The following SEMA4D variants were observed in gnomAD, a reference collection of about 807,000 sequenced individuals.
The protein encoded by SEMA4D is semaphorin-4D.
SEMA4D carries 22 observed loss-of-function variants against 74.8 expected under a neutral mutation model. That is an observed-to-expected ratio of 0.29 (90% confidence interval 0.21 to 0.42). The LOEUF is 0.42. Ranked by LOEUF, SEMA4D falls within the 10% of genes least tolerant of loss-of-function variation. The pLI, the probability that SEMA4D is intolerant of heterozygous loss-of-function variation, is 1.00. For synonymous variants in SEMA4D, 445 were observed against 463.7 expected (o/e 0.96, Z 0.52); for missense variants, 937 against 1,118.4 (o/e 0.84, Z 2.31).
intron 2 of SEMA4D, among the ~76,000 whole-genome samples, chr9:89,434,276 C>T (rs934978331): frequency 6.6e-6 from 1 of 152,148 alleles, no homozygotes; most frequent in Non-Finnish European, 1.5e-5. Context: ...GGAGGGGTCT[C>T]GGTCTAGGAG....
chr9:89,440,803 A>G (rs922570130), intron 2 of SEMA4D, among the ~76,000 whole-genome samples: 47 of 152,196 alleles, frequency 3.1e-4, no homozygotes, highest in African/African-American at 1.1e-3. Context: ...CGTGTGTGTG[A>G]TGACACACTG....
At chr9:89,366,168 C>T (rs1318608930) in intron 16 of SEMA4D, among the ~76,000 whole-genome samples, 3 of 152,178 alleles carry the variant, frequency 2.0e-5, no homozygotes, top group Admixed American at 2.0e-4. Context: ...ATAAGTGAAA[C>T]AATATCTAGG....
intron 2 of SEMA4D, among the ~76,000 whole-genome samples, chr9:89,425,682 G>C (rs1437675032): frequency 1.3e-5 from 2 of 152,218 alleles, no homozygotes; most frequent in Non-Finnish European, 2.9e-5. Flanking sequence ...CCCACTGGCT[G>C]TACATCCACC....
exon 18 of SEMA4D, chr9:89,363,439 C>T (rs1200340116): frequency 6.2e-7 from 1 of 1,613,470 alleles, no homozygotes; most frequent in Non-Finnish European, 8.5e-7. Flanking sequence ...CCCACGCCTT[C>T]CTCCAGCTCT....
intron 2 of SEMA4D, among the ~76,000 whole-genome samples, chr9:89,437,032 G>A (rs1850587511): frequency 1.3e-5 from 2 of 152,242 alleles, no homozygotes; most frequent in African/African-American, 2.4e-5. Flanking sequence ...TCAGTCAAGA[G>A]GTAGCAATGA....
intron 2 of SEMA4D, among the ~76,000 whole-genome samples, chr9:89,433,247 T>C (rs1282052450): frequency 6.6e-6 from 1 of 151,988 alleles, no homozygotes; most frequent in Non-Finnish European, 1.5e-5. Context: ...CTGCCACGAG[T>C]CCCCCATGAG....
At chr9:89,471,235 T>C (rs928659603) in intron 1 of SEMA4D, among the ~76,000 whole-genome samples, 3 of 152,048 alleles carry the variant, frequency 2.0e-5, no homozygotes, top group Admixed American at 6.5e-5. Flanking sequence ...ATTTAATGGG[T>C]ACAGAGTTTC....
chr9:89,405,599 T>A lies in SEMA4D; in HGVS notation c.-143A>T, dbSNP rs528656052. ...TGGAGCTCGTGAACAGCGCGGTCCC[T>A]GAGAATCCACATTTCCCAGTTCTCC... On this transcript the variant is annotated 5_prime_UTR_variant, in exon 3 of 16. Transcript: ENST00000422704. The A allele has an allele frequency of 3.3e-5, 48 of 1,445,878 alleles. No individual in the cohort carries two copies. The African/African-American group carries it at 6.5e-4, about 20-fold the overall frequency. 89.6% of individuals were successfully genotyped at this position (1,445,878 alleles called of 1,614,324 possible).
chr9:89,494,066 T>A (rs1825823072), intron 1 of SEMA4D, among the ~76,000 whole-genome samples: 1 of 152,214 alleles, frequency 6.6e-6, no homozygotes, highest in African/African-American at 2.4e-5. Context: ...AACTATTGAT[T>A]CATTGATTGC....
intron 4 of SEMA4D, among the ~76,000 whole-genome samples, chr9:89,400,609 G>A (rs1206249620): frequency 6.6e-6 from 1 of 152,140 alleles, no homozygotes; most frequent in East Asian, 1.9e-4. Context: ...CCTGATAGGG[G>A]CACACAAAAG....
chr9:89,385,276 A>G, intron 13 of SEMA4D: 1 of 985,396 alleles, frequency 1.0e-6, no homozygotes, highest in Non-Finnish European at 1.2e-6. Context: ...ATTCTCACGA[A>G]TGTCCACACC....
intron 6 of SEMA4D, among the ~76,000 whole-genome samples, chr9:89,394,234 G>C (rs544891915): frequency 6.6e-6 from 1 of 152,268 alleles, no homozygotes; most frequent in Non-Finnish European, 1.5e-5. Context: ...CTCTTTACCT[G>C]GCCAGAGTGC....
chr9:89,420,245 C>T (rs933467188), intron 2 of SEMA4D, among the ~76,000 whole-genome samples: 3 of 152,146 alleles, frequency 2.0e-5, no homozygotes, highest in South Asian at 2.1e-4. Flanking sequence ...CCCAACCCCG[C>T]GTTGCCTTCA....
intron 16 of SEMA4D, chr9:89,369,536 G>A (rs1834212013): frequency 6.6e-6 from 1 of 152,254 alleles, no homozygotes; most frequent in Admixed American, 6.5e-5. Context: ...GTTTCTGTGT[G>A]TGCACACTAA....
chr9:89,364,189 G>GCA (rs1833214088), intron 16 of SEMA4D: 1 of 748,684 alleles, frequency 1.3e-6, no homozygotes, highest in Non-Finnish European at 2.1e-6. Flanking sequence ...ATTTTTCAAA[G>GCA]CACACCTGTG....
intron 1 of SEMA4D, among the ~76,000 whole-genome samples, chr9:89,457,839 C>G (rs879790755): frequency 6.6e-6 from 1 of 151,844 alleles, no homozygotes; most frequent in Admixed American, 6.6e-5. Context: ...CGAGACCATC[C>G]TAGCTAACAC....
At chr9:89,362,510 C>T in intron 18 of SEMA4D, 1 of 1,612,044 alleles carries the variant, frequency 6.2e-7, no homozygotes, top group Non-Finnish European at 8.5e-7. Context: ...TCTCATAGCC[C>T]ATCCCAGGCA....
intron 2 of SEMA4D, among the ~76,000 whole-genome samples, chr9:89,442,357 G>A (rs778839202): frequency 5.3e-5 from 8 of 152,212 alleles, no homozygotes; most frequent in Non-Finnish European, 1.2e-4. Flanking sequence ...TTCCAAGCTT[G>A]CCAGGCTCCA....
At chr9:89,480,564 T>C (rs562893283) in intron 1 of SEMA4D, among the ~76,000 whole-genome samples, 26 of 152,214 alleles carry the variant, frequency 1.7e-4, no homozygotes, top group East Asian at 5.8e-4. Context: ...CCCTGCCCCG[T>C]GGGAAGGCAG....
Sources: gnomAD v4.1 joint callset for allele counts (sites outside exome capture counted in the v4.1 genomes callset) on GRCh38, gnomAD v4.1.1 for gene constraint, MANE v1.5 for transcripts, NCBI Gene and HGNC (gene_info 2026-07-23, HGNC 2026-07-21) for gene names.